Variants in ARHGEF28 observed in about 807,000 individuals in gnomAD.
ARHGEF28 encodes the protein 190 kDa guanine nucleotide exchange factor.
In ARHGEF28, 152 loss-of-function variants were observed where a neutral mutation model predicts 206.6. The observed-to-expected ratio is 0.74, with a 90% CI of 0.64 to 0.84. The LOEUF is 0.84. Among genes scored for constraint, ARHGEF28 ranks in the 40% least tolerant of loss-of-function variants. The probability of loss-of-function intolerance (pLI) is 0.00; values close to 1 mark genes in which losing one functional copy is unlikely to be tolerated. For synonymous variants in ARHGEF28, 763 were observed against 776.4 expected (o/e 0.98, Z 0.29); for missense variants, 2,028 against 2,073.2 (o/e 0.98, Z 0.42).
At chr5:73,938,486 C>T (rs1190419405) in intron 35 of ARHGEF28, among the ~76,000 whole-genome samples, 1 of 152,154 alleles carries the variant, frequency 6.6e-6, no homozygotes, top group East Asian at 1.9e-4. Flanking sequence ...CCAGCTGCCT[C>T]ATTCACTGGA....
At chr5:73,824,194 AG>A (rs1171913743) in intron 9 of ARHGEF28, among the ~76,000 whole-genome samples, 1 of 152,230 alleles carries the variant, frequency 6.6e-6, no homozygotes, top group African/African-American at 2.4e-5. Context: ...TTTTAAGTAA[AG>A]GATTAAACAG....
Position 73,917,345 on chromosome 5 carries a change from TAATC to T in ARHGEF28, c.4948+5771_4948+5774del, listed in dbSNP as rs1269097510. On this transcript the variant is annotated intron_variant, in intron 35 of 35. Coordinates refer to ENST00000513042, the MANE Select transcript of ARHGEF28 (RefSeq NM_001177693.2). ...AAACTATAATATTGCTTGCTCTTGG[TAATC>T]TATATCATGACAAAAATATAAAGTA... Among the ~76,000 whole-genome samples the T allele has an allele frequency of 2.6e-5, 4 of 152,362 alleles. No individual in the cohort carries two copies. In the East Asian group the frequency reaches 7.7e-4, roughly 29 times the overall value.
intron 4 of ARHGEF28, among the ~76,000 whole-genome samples, chr5:73,773,018 T>C (rs1753310353): frequency 6.6e-6 from 1 of 152,232 alleles, no homozygotes; most frequent in African/African-American, 2.4e-5. Flanking sequence ...GTGTACAGAC[T>C]ATTCAAACTA....
chr5:73,886,720 A>C (rs1761322853), intron 25 of ARHGEF28, among the ~76,000 whole-genome samples: 1 of 152,210 alleles, frequency 6.6e-6, no homozygotes, highest in Admixed American at 6.5e-5. Context: ...GCCACACACT[A>C]GAATCACCTC....
At chr5:73,800,045 A>C (rs1214913663) in intron 9 of ARHGEF28, among the ~76,000 whole-genome samples, 1 of 152,218 alleles carries the variant, frequency 6.6e-6, no homozygotes, top group Non-Finnish European at 1.5e-5. Flanking sequence ...GAAATAATAA[A>C]TGTTCACAAT....
At chr5:73,769,073 A>T (rs1177806431) in intron 4 of ARHGEF28, among the ~76,000 whole-genome samples, 1 of 152,212 alleles carries the variant, frequency 6.6e-6, no homozygotes, top group East Asian at 1.9e-4. Context: ...CTGTAAGTCC[A>T]TTAAACCTCT....
chr5:73,866,750 C>T (rs2931437), intron 18 of ARHGEF28, among the ~76,000 whole-genome samples: 39,953 of 152,084 alleles, frequency 0.26, 5,957 homozygotes, highest in Admixed American at 0.37. Context: ...GAACCAATCA[C>T]GCCAATGTCT....
intron 2 of ARHGEF28, among the ~76,000 whole-genome samples, chr5:73,692,292 C>T (rs779640727): frequency 3.3e-5 from 5 of 152,010 alleles, no homozygotes; most frequent in Non-Finnish European, 4.4e-5. Context: ...TGTGTGGGCT[C>T]TTGCTCCCTT....
At chr5:73,714,584 A>G (rs1482039276) in intron 2 of ARHGEF28, among the ~76,000 whole-genome samples, 3 of 152,192 alleles carry the variant, frequency 2.0e-5, no homozygotes, top group Non-Finnish European at 2.9e-5. Context: ...ATACTATGGT[A>G]TCTACATCAA....
At chr5:73,803,697 G>A (rs1755271317) in intron 9 of ARHGEF28, 2 of 152,608 alleles carry the variant, frequency 1.3e-5, no homozygotes, top group South Asian at 4.1e-4. Context: ...CTCAAGTATA[G>A]GGAGAAGTGA....
intron 1 of ARHGEF28, among the ~76,000 whole-genome samples, chr5:73,659,219 A>G (rs1188386817): frequency 6.6e-6 from 1 of 152,200 alleles, no homozygotes; most frequent in Admixed American, 6.5e-5. Flanking sequence ...TTAATTAACT[A>G]TCACGTAGTA....
At chr5:73,653,149 G>C (rs1053999696) in intron 1 of ARHGEF28, among the ~76,000 whole-genome samples, 1 of 152,172 alleles carries the variant, frequency 6.6e-6, no homozygotes, top group Non-Finnish European at 1.5e-5. Flanking sequence ...GGCAGAGTGA[G>C]GGGCCCTGCT....
intron 16 of ARHGEF28, among the ~76,000 whole-genome samples, chr5:73,863,783 T>G (rs1409383850): frequency 6.6e-6 from 1 of 151,898 alleles, no homozygotes; most frequent in East Asian, 1.9e-4. Flanking sequence ...TATTATTTAC[T>G]CACTCTGCAA....
chr5:73,781,158 A>G (rs1439161236), intron 7 of ARHGEF28, among the ~76,000 whole-genome samples: 1 of 152,086 alleles, frequency 6.6e-6, no homozygotes, highest in Non-Finnish European at 1.5e-5. Flanking sequence ...GTCATGAAGG[A>G]GTTTTTGTCA....
intron 13 of ARHGEF28, among the ~76,000 whole-genome samples, chr5:73,849,943 C>A (rs1320669698): frequency 6.6e-6 from 1 of 151,680 alleles, no homozygotes; most frequent in Non-Finnish European, 1.5e-5. Flanking sequence ...TGTCTATTAT[C>A]CTTAAGGGAC....
chr5:73,656,223 G>A (rs1365610279), intron 1 of ARHGEF28, among the ~76,000 whole-genome samples: 2 of 152,192 alleles, frequency 1.3e-5, no homozygotes, highest in Non-Finnish European at 2.9e-5. Flanking sequence ...GCTTTGGCAA[G>A]AGAGTACCTC....
intron 1 of ARHGEF28, among the ~76,000 whole-genome samples, chr5:73,655,509 A>G (rs1358831903): frequency 6.6e-6 from 1 of 152,246 alleles, no homozygotes; most frequent in Non-Finnish European, 1.5e-5. Context: ...GTTTGTAAGA[A>G]GAGGGTTAAA....
In ARHGEF28 at chr5:73,882,600, T is replaced by G. The variant is rs1224063681; in HGVS notation, c.2937+6T>G. 1 of 1,479,294 alleles carries G rather than the reference T, an allele frequency of 6.8e-7. No individual in the cohort carries two copies. The highest frequency in any genetic ancestry group is 2.5e-5 in the East Asian group (1 of 39,562). The allele number at this position is 1,479,294 out of a possible 1,614,324, so 91.6% of individuals were successfully genotyped here. A position where few individuals can be genotyped will look rare whatever the true frequency, so the allele number is the denominator to read the frequency against. On this transcript the variant is annotated splice_donor_region_variant and intron_variant, in intron 23 of 35. Transcript: ENST00000513042. ...AGTTTCAGAATTTTATTAAGGCAAG[T>G]ATTTTAAAACTTTATTACAAAGTGA... is the stretch of plus-strand genomic sequence containing the variant.
At chr5:73,739,939 G>C (rs575699413) in intron 2 of ARHGEF28, among the ~76,000 whole-genome samples, 36 of 150,794 alleles carry the variant, frequency 2.4e-4, no homozygotes, top group Non-Finnish European at 3.8e-4. Flanking sequence ...AGGTTGAGGT[G>C]GGGGGGTCAT....
Sources: allele counts gnomAD v4.1 joint callset (sites outside exome capture counted in the v4.1 genomes callset), GRCh38; gene constraint gnomAD v4.1.1; transcripts MANE v1.5; gene names NCBI Gene and HGNC (gene_info 2026-07-23, HGNC 2026-07-21).